Variants in MGAM observed in about 807,000 individuals in gnomAD.
MGAM encodes the protein maltase-glucoamylase.
In MGAM, 253 loss-of-function variants were observed where a neutral mutation model predicts 358.8. The observed-to-expected ratio is 0.71, with a 90% confidence interval of 0.64 to 0.78. The LOEUF (loss-of-function observed/expected upper bound fraction) is 0.78, where lower values mean the gene tolerates loss of function less well. Ranked by LOEUF, MGAM falls within the 30% of genes least tolerant of loss-of-function variation. The probability of loss-of-function intolerance (pLI) is 0.00; values close to 1 mark genes in which losing one functional copy is unlikely to be tolerated. For missense variants in MGAM, 3,080 were observed against 3,432.6 expected (o/e 0.90, Z 2.57); for synonymous variants, 1,105 against 1,227.1 (o/e 0.90, Z 2.08).
At chr7:142,007,172 C>T (rs1484722403) in intron 2 of MGAM, among the ~76,000 whole-genome samples, 1 of 152,126 alleles carries the variant, frequency 6.6e-6, no homozygotes, top group Non-Finnish European at 1.5e-5. Context: ...CCTGTTCAGA[C>T]ATGTTGTAAC....
At chr7:142,022,132 A>T in intron 6 of MGAM, 136 bp from the exon 7 acceptor site, 1 of 804,958 alleles carries the variant, frequency 1.2e-6, no homozygotes, top group Non-Finnish European at 1.9e-6. Context: ...CCATAGAAAA[A>T]TGTCACAGGA....
At chr7:142,009,138 T>C (rs1027474116) in intron 3 of MGAM, among the ~76,000 whole-genome samples, 1 of 152,174 alleles carries the variant, frequency 6.6e-6, no homozygotes, top group Non-Finnish European at 1.5e-5. Flanking sequence ...AAAGCTCATC[T>C]AGAATCTGCA....
rs756675198 is a variant in MGAM at position 142,095,540 on chromosome 7, C to A, written c.7459-25C>A. 2.2e-5 allele frequency: 35 copies of A among 1,612,064 alleles called. No individual in the cohort carries two copies. The African/African-American group carries it at 3.3e-4, about 15-fold the overall frequency. On this transcript the variant is annotated intron_variant, in intron 63 of 70. Transcript: ENST00000475668. ...CCCTAGAAATTCCAGGGCAAGCTCC[C>A]AACACTGTTCTCTTTCTCCTTTAGA... is the stretch of plus-strand genomic sequence containing the variant.
chr7:142,075,828 T>C lies in MGAM; in HGVS notation c.5276-375T>C, dbSNP rs191203777. ...GGAGAAAATAGAATTTTTTAGACTG[T>C]TGGTGGGACTGTAAATTGTTACAAC... On this transcript the variant is annotated intron_variant, in intron 45 of 70. Coordinates refer to ENST00000475668, the MANE Select transcript of MGAM (RefSeq NM_001365693.1). Among the ~76,000 whole-genome samples the C allele has an allele frequency of 4.1e-5, 6 of 146,122 alleles. 2 individuals are homozygous for C. In the East Asian group the frequency reaches 1.0e-3, roughly 24 times the overall value.
chr7:142,014,003 G>T (rs929319243), intron 3 of MGAM, among the ~76,000 whole-genome samples: 1 of 152,186 alleles, frequency 6.6e-6, no homozygotes, highest in Non-Finnish European at 1.5e-5. Context: ...ATCCAAATGT[G>T]CAGCTAAGAT....
chr7:142,066,748 A>C (rs776974150), intron 41 of MGAM, 27 bp downstream of exon 41: 2 of 1,543,958 alleles, frequency 1.3e-6, no homozygotes, highest in African/African-American at 1.3e-5. Flanking sequence ...GATCCCGATG[A>C]CTAATGGATG....
chr7:141,998,627 G>A (rs1459328531), intron 1 of MGAM, among the ~76,000 whole-genome samples: 1 of 152,146 alleles, frequency 6.6e-6, no homozygotes, highest in Non-Finnish European at 1.5e-5. Context: ...TGGTGTATAT[G>A]TGCCACATTT....
In MGAM at chr7:142,050,738, C is replaced by T. The variant is rs1449973199; in HGVS notation, c.2679C>T (p.Asp893=). Reference sequence around the variant, plus strand: ...ATATTTCACAATCAACCTACAAGGACCCCAATAATTTAGCATTTAATGAGA... The same window carrying T: ...ATATTTCACAATCAACCTACAAGGATCCCAATAATTTAGCATTTAATGAGA... ...EVNISQSTYK[D]PNNLAFNEIK... is the part of the protein sequence containing the mutation. Residue 893 remains aspartate, a synonymous_variant, in exon 24 of 71, where the codon GAC becomes GAT. Transcript: ENST00000475668. 1 of 1,613,712 alleles carries T rather than the reference C, an allele frequency of 6.2e-7. No individual in the cohort carries two copies. Among genetic ancestry groups the T allele is most frequent in the South Asian group, 1.1e-5 (1 of 91,052 alleles).
chr7:142,059,745 C>A, intron 32 of MGAM, 111 bp from the exon 33 acceptor site: 1 of 1,568,154 alleles, frequency 6.4e-7, no homozygotes, highest in South Asian at 1.2e-5. Flanking sequence ...CACAGAAACT[C>A]TACTGTGCAG....
chr7:142,009,299 C>T (rs543154704), intron 3 of MGAM, among the ~76,000 whole-genome samples: 1 of 152,288 alleles, frequency 6.6e-6, no homozygotes, highest in Non-Finnish European at 1.5e-5. Flanking sequence ...GGCTGAAGTC[C>T]ACCTGATTAT....
chr7:142,077,110 G>A (rs1220431163), intron 47 of MGAM, among the ~76,000 whole-genome samples: 3 of 145,756 alleles, frequency 2.1e-5, no homozygotes, highest in African/African-American at 7.3e-5. Context: ...TAATTATGAT[G>A]AGACCCAGGA....
At chr7:142,082,270 T>A in intron 51 of MGAM, 60 bp downstream of exon 51, 1 of 1,510,266 alleles carries the variant, frequency 6.6e-7, no homozygotes, top group Non-Finnish European at 9.1e-7. Flanking sequence ...CTGCTCAGGC[T>A]TTGGGCTTCA....
At chr7:142,053,049 C>T (rs1166920863) in intron 26 of MGAM, 65 bp downstream of exon 26, 1 of 1,524,654 alleles carries the variant, frequency 6.6e-7, no homozygotes, top group African/African-American at 1.4e-5. Flanking sequence ...TTTTATTGGT[C>T]TGGATCACAG....
Position 142,050,680 on chromosome 7 carries a change from A to G in MGAM, c.2638-17A>G, listed in dbSNP as rs1480941629. The G allele has an allele frequency of 1.2e-6, 2 of 1,609,502 alleles. No individual in the cohort carries two copies. Among genetic ancestry groups the G allele is most frequent in the Non-Finnish European group, 1.7e-6 (2 of 1,176,554 alleles). On this transcript the variant is annotated splice_polypyrimidine_tract_variant and intron_variant, in intron 23 of 70. Coordinates refer to ENST00000475668, the MANE Select transcript of MGAM (RefSeq NM_001365693.1). ...CTCATATACCTTTATGCATACTTGG[A>G]CTTAATTGTTTTGCAGAACCGCTTG...
At chr7:142,082,398 A>C (rs1373117646) in intron 51 of MGAM, 77 bp from the exon 52 acceptor site, 1 of 1,308,758 alleles carries the variant, frequency 7.6e-7, no homozygotes, top group Non-Finnish European at 1.1e-6. Context: ...CCATCTTAGC[A>C]AGCATATTTT....
chr7:142,050,422 A>G, intron 23 of MGAM, 138 bp downstream of exon 23: 1 of 1,153,626 alleles, frequency 8.7e-7, no homozygotes, highest in South Asian at 1.2e-5. Flanking sequence ...GTACATTTCT[A>G]TTTATGATTT....
chr7:142,040,567 C>A, intron 20 of MGAM, 155 bp from the exon 21 acceptor site: 1 of 992,046 alleles, frequency 1.0e-6, no homozygotes, highest in East Asian at 2.7e-5. Context: ...ACATGTTATT[C>A]TTGATTTTTT....
intron 45 of MGAM, among the ~76,000 whole-genome samples, 156 bp from the exon 46 acceptor site, chr7:142,076,047 T>C (rs975280449): frequency 1.4e-5 from 2 of 146,274 alleles, no homozygotes; most frequent in African/African-American, 4.9e-5. Flanking sequence ...TAAGTATACA[T>C]TGATGAATGA....
rs796386945 is a variant in MGAM at position 142,045,223 on chromosome 7, AAT to A, written c.2499-2555_2499-2554del. ...TATATTATATAACATATATGTATAT[AAT>A]ATATATTATATATCATATAATATAT... On this transcript the variant is annotated intron_variant, in intron 21 of 70. Transcript: ENST00000475668. Among the ~76,000 whole-genome samples, 505 of 80,546 alleles carry A rather than the reference AAT, an allele frequency of 6.3e-3. 15 individuals are homozygous for A. The highest frequency in any genetic ancestry group is 9.5e-3 in the Non-Finnish European group (424 of 44,574). 52.8% of individuals were successfully genotyped at this position (80,546 alleles called of 152,430 possible). A position where few individuals can be genotyped will look rare whatever the true frequency, so the allele number is the denominator to read the frequency against.
Sources: gnomAD v4.1 joint callset for allele counts (sites outside exome capture counted in the v4.1 genomes callset) on GRCh38, gnomAD v4.1.1 for gene constraint, MANE v1.5 for transcripts, NCBI Gene and HGNC (gene_info 2026-07-23, HGNC 2026-07-21) for gene names.